Variants in SLIT2 observed in about 807,000 individuals in gnomAD.
The protein encoded by SLIT2 is slit homolog 2 protein.
A neutral mutation model predicts 185.7 loss-of-function variants in SLIT2; 41 were observed. That is an observed-to-expected ratio of 0.22 (90% confidence interval 0.17 to 0.29). The LOEUF (loss-of-function observed/expected upper bound fraction) is 0.29. Ranked by LOEUF, SLIT2 falls within the 10% of genes least tolerant of loss-of-function variation. The pLI, the probability that SLIT2 is intolerant of heterozygous loss-of-function variation, is 1.00. For missense variants in SLIT2, 1,571 were observed against 1,909.0 expected, an observed-to-expected ratio of 0.82 and a Z score of 3.30; for synonymous variants, 693 against 680.2, an observed-to-expected ratio of 1.02 and a Z score of -0.29.
At chr4:20,472,386 G>GATATATATATATCTATATCTATATATA (rs1560453735) in intron 5 of SLIT2, among the ~76,000 whole-genome samples, 5 of 38,394 alleles carry the variant, frequency 1.3e-4, no homozygotes, top group East Asian at 1.3e-3. Context: ...CTATATATAT[G>GATATATATATATCTATATCTATATATA]TAGATATATA....
chr4:20,345,991 TTTG>T (rs962728913), intron 4 of SLIT2, among the ~76,000 whole-genome samples: 8 of 151,836 alleles, frequency 5.3e-5, no homozygotes, highest in East Asian at 3.9e-4. Context: ...ACTATTTATT[TTTG>T]TTGTTGTTGT....
chr4:20,423,383 A>G (rs1471181274), intron 4 of SLIT2, among the ~76,000 whole-genome samples: 1 of 148,270 alleles, frequency 6.7e-6, no homozygotes, highest in East Asian at 1.9e-4. Flanking sequence ...TTACCAAAGT[A>G]AAGAACTTAT....
chr4:20,283,364 A>G (rs974327010), intron 4 of SLIT2, among the ~76,000 whole-genome samples: 1 of 152,180 alleles, frequency 6.6e-6, no homozygotes, highest in African/African-American at 2.4e-5. Context: ...AAAAGCTTTT[A>G]TTTTATGTAC....
Position 20,539,434 on chromosome 4 carries a change from C to T in SLIT2, c.1833-7C>T. 6.2e-7 allele frequency: 1 copy of T among 1,601,398 alleles called. No individual in the cohort carries two copies. The highest frequency in any genetic ancestry group is 1.7e-5 in the Admixed American group (1 of 57,330). The stretch of plus-strand genomic sequence containing the variant: ...TCTCCATAACAATGTCCTTTTTTTC[C>T]CCTCAGGATGTTGAGAAGCAATCGA... On this transcript the variant is annotated splice_region_variant and splice_polypyrimidine_tract_variant and intron_variant, in intron 18 of 36. Transcript: ENST00000504154.
At chr4:20,472,569 T>TAG (rs1381190765) in intron 5 of SLIT2, among the ~76,000 whole-genome samples, 2 of 29,574 alleles carry the variant, frequency 6.8e-5, no homozygotes, top group Non-Finnish European at 9.8e-5. Flanking sequence ...TATATCTATA[T>TAG]ATAGATATAT....
rs1302896348 is a variant in SLIT2, at chr4:20,528,509, C to T, written c.1463-440C>T. The stretch of plus-strand genomic sequence containing the variant: ...GAGAGGGAGAGAATAGTAAAAAGTC[C>T]ATAGAAAATTTAAAAGCCTGAGTAT... On this transcript the variant is annotated intron_variant, in intron 15 of 36. Coordinates refer to ENST00000504154, the MANE Select transcript of SLIT2 (RefSeq NM_004787.4). The surrounding 1 kb of genome is among the most constrained non-coding windows in gnomAD (Gnocchi z 4.2). The T allele has an allele frequency of 5.6e-6, 2 of 356,102 alleles. No homozygotes were observed. Among genetic ancestry groups the T allele is most frequent in the Non-Finnish European group, 1.1e-5 (2 of 181,006 alleles). 22.1% of individuals were successfully genotyped at this position (356,102 alleles called of 1,614,324 possible).
chr4:20,476,439 C>G (rs552267211), intron 5 of SLIT2, among the ~76,000 whole-genome samples: 2 of 151,766 alleles, frequency 1.3e-5, no homozygotes, highest in African/African-American at 2.4e-5. Flanking sequence ...AATAATAATA[C>G]GAACATAAAG....
Position 20,495,703 on chromosome 4 carries a change from G to A in SLIT2, c.914+3804G>A, listed in dbSNP as rs185812277. On this transcript the variant is annotated intron_variant, in intron 9 of 36. Transcript: ENST00000504154. ...TAAATTTATGAGGAGAGATGAAAACGTGTGAAACTGCTTGTGAATTTTACT... is the reference window on the plus strand; with the variant it reads ...TAAATTTATGAGGAGAGATGAAAACATGTGAAACTGCTTGTGAATTTTACT... Among the ~76,000 whole-genome samples the A allele has an allele frequency of 1.2e-3, 189 of 152,158 alleles. 1 individual carries two copies. The Middle Eastern group carries it at 0.017, about 14-fold the overall frequency.
At chr4:20,309,688 T>C (rs528260756) in intron 4 of SLIT2, among the ~76,000 whole-genome samples, 35 of 151,590 alleles carry the variant, frequency 2.3e-4, no homozygotes, top group African/African-American at 8.0e-4. Context: ...TGTGATAACC[T>C]CAGTGTCCTT....
chr4:20,531,166 C>T (rs1209796091), intron 16 of SLIT2, among the ~76,000 whole-genome samples: 5 of 152,112 alleles, frequency 3.3e-5, no homozygotes, highest in African/African-American at 4.8e-5. Context: ...CAGGCAGAAA[C>T]GTGCACACCA....
intron 36 of SLIT2, among the ~76,000 whole-genome samples, chr4:20,618,226 C>G (rs190587817): frequency 1.3e-5 from 2 of 152,134 alleles, no homozygotes; most frequent in African/African-American, 2.4e-5. Context: ...CCAGCTGGCA[C>G]GGATTTTGTT....
intron 5 of SLIT2, among the ~76,000 whole-genome samples, chr4:20,470,426 G>A (rs1015899265): frequency 1.3e-5 from 2 of 150,958 alleles, no homozygotes; most frequent in Non-Finnish European, 2.9e-5. Flanking sequence ...GAAAAGTATC[G>A]CTTGAAGTTA....
chr4:20,582,459 T>A (rs954902552), intron 29 of SLIT2, among the ~76,000 whole-genome samples: 3 of 152,216 alleles, frequency 2.0e-5, no homozygotes, highest in African/African-American at 7.2e-5. Flanking sequence ...AGTAGATGCC[T>A]GAAACCACAA....
chr4:20,451,194 T>C (rs1712432306), intron 4 of SLIT2, among the ~76,000 whole-genome samples: 2 of 152,184 alleles, frequency 1.3e-5, no homozygotes, highest in South Asian at 4.1e-4. Context: ...TACACCTTCC[T>C]GAAGTTCATT....
chr4:20,532,115 T>G, intron 17 of SLIT2, 57 bp downstream of exon 17: 1 of 983,276 alleles, frequency 1.0e-6, no homozygotes, highest in South Asian at 1.6e-5. Flanking sequence ...GGTGTTCATT[T>G]CAGTTAAGTT....
intron 29 of SLIT2, among the ~76,000 whole-genome samples, chr4:20,586,223 T>C (rs975847962): frequency 2.0e-5 from 3 of 152,222 alleles, no homozygotes; most frequent in African/African-American, 7.2e-5. Context: ...TTCATGTTAA[T>C]ATTTAGTCAG....
intron 3 of SLIT2, among the ~76,000 whole-genome samples, chr4:20,262,435 C>A (rs1712574167): frequency 6.6e-6 from 1 of 151,808 alleles, no homozygotes; most frequent in South Asian, 2.1e-4. Context: ...GATATATTCT[C>A]TGTTTATCAA....
intron 19 of SLIT2, among the ~76,000 whole-genome samples, chr4:20,540,185 G>C (rs1722679960): frequency 6.6e-6 from 1 of 152,094 alleles, no homozygotes; most frequent in Non-Finnish European, 1.5e-5. Flanking sequence ...CTACTCGGGA[G>C]GGTGAGGCAG....
Position 20,596,506 on chromosome 4 carries a change from G to T in SLIT2, c.3412G>T (p.Val1138Phe). The T allele has an allele frequency of 6.2e-7, 1 of 1,613,988 alleles. No individual in the cohort carries two copies. The highest frequency in any genetic ancestry group is 8.5e-7 in the Non-Finnish European group (1 of 1,179,956). ...TTGTCAGAATGGAGCTCAGTGTATC[G>T]TCAGAATAAATGAGCCAATATGTCA... The part of the protein sequence containing the change: ...FDCQNGAQCI[V>F]RINEPICQCL... Residue 1138 changes from valine (V) to phenylalanine (F), a missense_variant, in exon 32 of 37, where the codon GTC becomes TTC. Around this residue, in one of 3 missense-constraint regions of SLIT2, gnomAD observed 1,202 missense variants for 1,416.4 expected, o/e 0.85. Transcript: ENST00000504154.
Sources: allele counts gnomAD v4.1 joint callset (sites outside exome capture counted in the v4.1 genomes callset), GRCh38; gene constraint gnomAD v4.1.1; regional missense constraint gnomAD v4.1.1; non-coding constraint Gnocchi (gnomAD v3.1); transcripts MANE v1.5; gene names NCBI Gene and HGNC (gene_info 2026-07-23, HGNC 2026-07-21).